Variants in CTNNA3 observed in about 807,000 individuals in gnomAD.
CTNNA3 encodes the protein catenin alpha 3, also known as catenin alpha-3.
Under a neutral mutation model 95.7 loss-of-function variants are expected in CTNNA3, and 76 were observed. The observed-to-expected ratio is 0.79, with a 90% confidence interval of 0.66 to 0.96. The LOEUF (loss-of-function observed/expected upper bound fraction) is 0.96, where lower values mean the gene tolerates loss of function less well. Among genes scored for constraint, CTNNA3 ranks in the 40% least tolerant of loss-of-function variants. CTNNA3 has a pLI of 0.00. For synonymous variants in CTNNA3, 431 were observed against 374.4 expected, an observed-to-expected ratio of 1.15 and a Z score of -1.74; for missense variants, 1,191 against 1,089.8, an observed-to-expected ratio of 1.09 and a Z score of -1.31.
intron 5 of CTNNA3, among the ~76,000 whole-genome samples, chr10:67,306,787 TA>T (rs544213572): frequency 4.6e-5 from 7 of 151,406 alleles, no homozygotes; most frequent in East Asian, 1.9e-4. Flanking sequence ...TGGATTTTTT[TA>T]AAAAAAAATA....
At chr10:66,468,560 T>C (rs1839012692) in intron 11 of CTNNA3, among the ~76,000 whole-genome samples, 1 of 151,980 alleles carries the variant, frequency 6.6e-6, no homozygotes, top group Non-Finnish European at 1.5e-5. Context: ...GCATGGTGGC[T>C]ATAATTAATG....
At chr10:67,327,694 TG>T (rs1841599750) in intron 5 of CTNNA3, among the ~76,000 whole-genome samples, 1 of 152,176 alleles carries the variant, frequency 6.6e-6, no homozygotes, top group East Asian at 1.9e-4. Flanking sequence ...GCGATGACAG[TG>T]GGACCCATTC....
chr10:66,758,080 A>G (rs986332406), intron 9 of CTNNA3, among the ~76,000 whole-genome samples: 4 of 152,014 alleles, frequency 2.6e-5, no homozygotes, highest in Admixed American at 2.6e-4. Context: ...TATAAAAGCC[A>G]TAAAATAACC....
chr10:67,193,470 C>T (rs946187987), intron 6 of CTNNA3, among the ~76,000 whole-genome samples: 1 of 151,848 alleles, frequency 6.6e-6, no homozygotes, highest in African/African-American at 2.4e-5. Context: ...AATACTCATT[C>T]ATTATTTTCC....
At chr10:67,191,689 G>A (rs1217521272) in intron 6 of CTNNA3, among the ~76,000 whole-genome samples, 2 of 151,792 alleles carry the variant, frequency 1.3e-5, no homozygotes, top group Non-Finnish European at 2.9e-5. Flanking sequence ...GTGATCTATA[G>A]AGTCAAAACA....
intron 6 of CTNNA3, among the ~76,000 whole-genome samples, chr10:67,215,750 T>G (rs1359915501): frequency 6.6e-6 from 1 of 152,192 alleles, no homozygotes; most frequent in Non-Finnish European, 1.5e-5. Flanking sequence ...GGTGGTCAAA[T>G]TTTAAAGATT....
Position 67,488,502 on chromosome 10 carries a change from T to C in CTNNA3, c.579+33340A>G, listed in dbSNP as rs556987271. Among the ~76,000 whole-genome samples, 8 of 152,132 alleles carry C rather than the reference T, an allele frequency of 5.3e-5. No homozygotes were observed. The South Asian group carries it at 1.7e-3, about 32-fold the overall frequency. Reference sequence around the variant, plus strand: ...TTCCTGCCTCAGCCCCCTGAGTAGCTGGAATTACAGGCACATGCCACCAAG... The same window carrying C: ...TTCCTGCCTCAGCCCCCTGAGTAGCCGGAATTACAGGCACATGCCACCAAG... On this transcript the variant is annotated intron_variant, in intron 5 of 17. Transcript: ENST00000433211.
chr10:67,278,125 G>C (rs980993294), intron 5 of CTNNA3, among the ~76,000 whole-genome samples: 4 of 152,110 alleles, frequency 2.6e-5, no homozygotes, highest in Non-Finnish European at 5.9e-5. Flanking sequence ...TCCAGGAACA[G>C]GAGAACAAAG....
intron 14 of CTNNA3, among the ~76,000 whole-genome samples, chr10:66,070,053 T>A (rs1196804304): frequency 6.6e-6 from 1 of 152,332 alleles, no homozygotes; most frequent in African/African-American, 2.4e-5. Flanking sequence ...TGGTAGCTAT[T>A]TCTTATTCAA....
At chr10:67,650,688 C>T (rs1322290891) in intron 1 of CTNNA3, among the ~76,000 whole-genome samples, 2 of 152,286 alleles carry the variant, frequency 1.3e-5, no homozygotes, top group East Asian at 1.9e-4. Flanking sequence ...GGGGTGCACA[C>T]ATTCAGTCAC....
chr10:66,173,011 G>A (rs1281889372), intron 13 of CTNNA3, among the ~76,000 whole-genome samples: 1 of 152,158 alleles, frequency 6.6e-6, no homozygotes, highest in African/African-American at 2.4e-5. Flanking sequence ...TGGAGCCTGA[G>A]AGAGGGAGTT....
At chr10:66,681,711 G>A (rs149367159) in intron 9 of CTNNA3, among the ~76,000 whole-genome samples, 42 of 152,260 alleles carry the variant, frequency 2.8e-4, no homozygotes, top group African/African-American at 8.4e-4. Flanking sequence ...AAGATTGAAT[G>A]TTTGTCAATA....
At chr10:67,094,489 A>T (rs2131921700) in intron 7 of CTNNA3, among the ~76,000 whole-genome samples, 1 of 151,978 alleles carries the variant, frequency 6.6e-6, no homozygotes. Flanking sequence ...ATAATTAAAA[A>T]GAAAATTACT....
intron 9 of CTNNA3, among the ~76,000 whole-genome samples, chr10:66,656,757 T>C (rs1266628407): frequency 6.6e-6 from 1 of 152,046 alleles, no homozygotes; most frequent in African/African-American, 2.4e-5. Flanking sequence ...GGGCTTTCAA[T>C]TGCTTCCAGG....
intron 11 of CTNNA3, among the ~76,000 whole-genome samples, chr10:66,466,038 AG>A: frequency 6.6e-6 from 1 of 152,166 alleles, no homozygotes; most frequent in South Asian, 2.1e-4. Flanking sequence ...AATTGAGGTT[AG>A]TTTTTAAATC....
chr10:67,165,266 T>C (rs1033121303), intron 7 of CTNNA3, among the ~76,000 whole-genome samples: 1 of 152,168 alleles, frequency 6.6e-6, no homozygotes, highest in Non-Finnish European at 1.5e-5. Context: ...GGTCCTACAC[T>C]GTGTAATTCC....
intron 5 of CTNNA3, among the ~76,000 whole-genome samples, chr10:67,481,692 T>C (rs977605725): frequency 2.6e-5 from 4 of 152,204 alleles, no homozygotes; most frequent in African/African-American, 9.6e-5. Flanking sequence ...TCTCCCATTT[T>C]GTAGGTTGCC....
intron 7 of CTNNA3, among the ~76,000 whole-genome samples, chr10:67,101,453 T>TA (rs1328309470): frequency 4.1e-5 from 4 of 96,898 alleles, no homozygotes; most frequent in African/African-American, 7.1e-5. Context: ...ATTTTCTCCA[T>TA]TTTCTTATAA....
At chr10:65,995,531 G>A (rs1364933320) in intron 15 of CTNNA3, among the ~76,000 whole-genome samples, 1 of 152,178 alleles carries the variant, frequency 6.6e-6, no homozygotes, top group Non-Finnish European at 1.5e-5. Flanking sequence ...CTCAGGCCTC[G>A]GTGGTGGGCC....
Sources: gnomAD v4.1 joint callset for allele counts (sites outside exome capture counted in the v4.1 genomes callset) on GRCh38, gnomAD v4.1.1 for gene constraint, MANE v1.5 for transcripts, NCBI Gene and HGNC (gene_info 2026-07-23, HGNC 2026-07-21) for gene names.